ZCCHC10: variants seen among roughly 807,000 people sequenced by gnomAD.
The protein encoded by ZCCHC10 is zinc finger CCHC domain-containing protein 10.
ZCCHC10 carries 16 observed loss-of-function variants against 19.5 expected under a neutral mutation model. The observed-to-expected ratio is 0.82, with a 90% CI of 0.56 to 1.25. The LOEUF is 1.25. Among genes scored for constraint, ZCCHC10 ranks in the 50% most tolerant of loss-of-function variants. The pLI is 0.00. For synonymous variants in ZCCHC10, 67 were observed against 72.5 expected (o/e 0.92, Z 0.38); for missense variants, 197 against 201.0 (o/e 0.98, Z 0.12).
At chr5:133,000,767 T>C (rs1762718667) in intron 3 of ZCCHC10, among the ~76,000 whole-genome samples, 1 of 151,514 alleles carries the variant, frequency 6.6e-6, no homozygotes, top group Admixed American at 6.6e-5. Context: ...CTCAGCCTCC[T>C]GAGTAGCTGG....
Position 132,998,578 on chromosome 5 carries a change from C to T in ZCCHC10, c.*5G>A, listed in dbSNP as rs763129186. On this transcript the variant is annotated 3_prime_UTR_variant, in exon 5 of 5. Transcript: ENST00000509437. ...GTCCATCAGTCCAATATGAATGGAG[C>T]AACTCTATTTCTTTTTCTTCTTCTT... 1 of 1,610,800 alleles carries T rather than the reference C, an allele frequency of 6.2e-7. No homozygotes were observed.
At chr5:133,021,008 T>G (rs997339056) in intron 2 of ZCCHC10, among the ~76,000 whole-genome samples, 1 of 152,190 alleles carries the variant, frequency 6.6e-6, no homozygotes, top group African/African-American at 2.4e-5. Context: ...GCTATTCTCC[T>G]GCCTCAGCCT....
chr5:132,998,267 A>G lies in ZCCHC10; in HGVS notation c.*316T>C, dbSNP rs1762544120. 3.8e-6 allele frequency: 1 copy of G among 263,988 alleles called. No homozygotes were observed. Among genetic ancestry groups the G allele is most frequent in the Non-Finnish European group, 7.4e-6 (1 of 135,634 alleles). The allele number at this position is 263,988 out of a possible 1,614,324, so 16.4% of individuals were successfully genotyped here. On this transcript the variant is annotated 3_prime_UTR_variant, in exon 5 of 5. Coordinates refer to ENST00000509437, the MANE Select transcript of ZCCHC10 (RefSeq NM_001300816.3). ...TATGTCTGATACATACCACTAACAT[A>G]TATAACAAAGTATGGCATTTATTTC...
chr5:133,020,391 C>T (rs571936416), intron 2 of ZCCHC10, among the ~76,000 whole-genome samples: 2 of 152,100 alleles, frequency 1.3e-5, no homozygotes, highest in South Asian at 4.2e-4. Flanking sequence ...CTGCAAGGAA[C>T]CGAGATCACG....
chr5:132,998,583 C>CT lies in ZCCHC10; in HGVS notation c.578dup (p.Ter193=). 1.2e-6 allele frequency: 2 copies of CT among 1,612,198 alleles called. No homozygotes were observed. The highest frequency in any genetic ancestry group is 1.7e-6 in the Non-Finnish European group (2 of 1,179,502). The change falls in exon 5 of 5, where the codon TAG becomes TAAG. Residue 193 remains the stop codon, a frameshift_variant and stop_retained_variant. Coordinates refer to ENST00000509437, the MANE Select transcript of ZCCHC10 (RefSeq NM_001300816.3). LOFTEE classifies it high-confidence loss of function. ...DEPPKKKKKK[*] is the part of the protein sequence containing the mutation. ...TCAGTCCAATATGAATGGAGCAACT[C>CT]TATTTCTTTTTCTTCTTCTTTGGTG...
intron 2 of ZCCHC10, among the ~76,000 whole-genome samples, chr5:133,008,831 G>T (rs1266300941): frequency 6.6e-6 from 1 of 152,056 alleles, no homozygotes; most frequent in Non-Finnish European, 1.5e-5. Flanking sequence ...GGGCAACATG[G>T]TGAAACCCTG....
intron 2 of ZCCHC10, among the ~76,000 whole-genome samples, chr5:133,017,237 T>A (rs1232765672): frequency 6.6e-6 from 1 of 152,158 alleles, no homozygotes; most frequent in Non-Finnish European, 1.5e-5. Flanking sequence ...TGACCCCACA[T>A]TCAGCTCTAA....
chr5:133,019,977 T>C (rs1764194550), intron 2 of ZCCHC10, among the ~76,000 whole-genome samples: 1 of 146,218 alleles, frequency 6.8e-6, no homozygotes, highest in Non-Finnish European at 1.5e-5. Context: ...GAAAAGTACA[T>C]ACCAAAAAGA....
At position 132,998,583 on chromosome 5, in the gene ZCCHC10, C is replaced by T. The variant is rs774368290; in HGVS notation, c.579G>A (p.Ter193=). 6.2e-7 allele frequency: 1 copy of T among 1,612,198 alleles called. No homozygotes were observed. The highest frequency in any genetic ancestry group is 8.5e-7 in the Non-Finnish European group (1 of 1,179,502). Residue 193 remains the stop codon, a stop_retained_variant, in exon 5 of 5, where the codon TAG becomes TAA. Coordinates refer to ENST00000509437, the MANE Select transcript of ZCCHC10 (RefSeq NM_001300816.3). ...DEPPKKKKKK[*] ...TCAGTCCAATATGAATGGAGCAACT[C>T]TATTTCTTTTTCTTCTTCTTTGGTG...
At chr5:133,016,105 A>G (rs748538514) in intron 2 of ZCCHC10, among the ~76,000 whole-genome samples, 12 of 152,160 alleles carry the variant, frequency 7.9e-5, no homozygotes, top group Non-Finnish European at 1.5e-4. Flanking sequence ...TTCTGGTACA[A>G]CAACAAAAAA....
chr5:133,018,306 A>AT (rs879292993), intron 2 of ZCCHC10, among the ~76,000 whole-genome samples: 280 of 143,384 alleles, frequency 2.0e-3, no homozygotes, highest in East Asian at 0.014. Context: ...CAGCAAGCTG[A>AT]TTTTTTTTTT....
chr5:133,015,076 GGTTT>G (rs1763828951), intron 2 of ZCCHC10, among the ~76,000 whole-genome samples: 1 of 123,756 alleles, frequency 8.1e-6, no homozygotes, highest in South Asian at 2.3e-4. Flanking sequence ...GCCACTGTGA[GGTTT>G]TTTTTTTTTT....
intron 2 of ZCCHC10, among the ~76,000 whole-genome samples, chr5:133,013,539 T>A (rs1004293148): frequency 4.2e-4 from 63 of 151,730 alleles, no homozygotes; most frequent in Admixed American, 4.1e-3. Context: ...CTGGACAACA[T>A]AGTGAAACCT....
intron 2 of ZCCHC10, among the ~76,000 whole-genome samples, chr5:133,018,589 G>C (rs1484142578): frequency 6.6e-6 from 1 of 152,112 alleles, no homozygotes; most frequent in East Asian, 1.9e-4. Flanking sequence ...AGTAGAGACA[G>C]GGTTTCGTCA....
chr5:133,022,390 T>C (rs1366225264), intron 2 of ZCCHC10, among the ~76,000 whole-genome samples: 2 of 152,120 alleles, frequency 1.3e-5, no homozygotes, highest in Admixed American at 1.3e-4. Flanking sequence ...ATATGGGATC[T>C]GTTATGTGGT....
chr5:133,009,360 A>G (rs1763346375), intron 2 of ZCCHC10, among the ~76,000 whole-genome samples: 1 of 151,836 alleles, frequency 6.6e-6, no homozygotes, highest in Non-Finnish European at 1.5e-5. Flanking sequence ...GCTCATTCCC[A>G]TAATCCCAGC....
chr5:133,023,730 C>T (rs1459637744), intron 1 of ZCCHC10, among the ~76,000 whole-genome samples: 1 of 151,302 alleles, frequency 6.6e-6, no homozygotes, highest in Non-Finnish European at 1.5e-5. Context: ...AAGATCATGC[C>T]ACTGCACTCC....
In ZCCHC10 at chr5:133,005,286, ACT is replaced by A. The variant is rs1763042039; in HGVS notation, c.269+1471_269+1472del. 6.0e-5 allele frequency among the ~76,000 whole-genome samples: 9 copies of A among 148,876 alleles called. No homozygotes were observed. The South Asian group carries it at 1.7e-3, about 28-fold the overall frequency. ...ACTCCAGCCTGGGTGACAGAGCAAG[ACT>A]CTGTCTCAAAAAAAAAATTTTTTAC... On this transcript the variant is annotated intron_variant, in intron 3 of 4. Coordinates refer to ENST00000509437, the MANE Select transcript of ZCCHC10 (RefSeq NM_001300816.3).
chr5:133,008,633 G>A (rs1369678908), intron 2 of ZCCHC10, among the ~76,000 whole-genome samples: 2 of 151,940 alleles, frequency 1.3e-5, no homozygotes, highest in East Asian at 1.9e-4. Context: ...GGGAGGCCAC[G>A]GTGGAAAGAT....
Sources: allele counts gnomAD v4.1 joint callset (sites outside exome capture counted in the v4.1 genomes callset), GRCh38; gene constraint gnomAD v4.1.1; transcripts MANE v1.5; gene names NCBI Gene and HGNC (gene_info 2026-07-23, HGNC 2026-07-21).